Variants in OCA2 observed in about 807,000 individuals in gnomAD.
OCA2 encodes OCA2 melanosomal transmembrane protein.
A neutral mutation model predicts 100.2 loss-of-function variants in OCA2; 77 were observed. The ratio of observed to expected loss-of-function variants is 0.77; its 90% CI spans 0.64 to 0.93. The LOEUF is 0.93. Ranked by LOEUF, OCA2 falls within the 40% of genes least tolerant of loss-of-function variation. The pLI is 0.00. For missense variants in OCA2, 1,062 were observed against 1,089.1 expected, an observed-to-expected ratio of 0.98 and a Z score of 0.35; for synonymous variants, 432 against 439.2, an observed-to-expected ratio of 0.98 and a Z score of 0.21.
intron 18 of OCA2, among the ~76,000 whole-genome samples, chr15:27,943,246 C>T (rs979448250): frequency 2.0e-5 from 3 of 152,186 alleles, no homozygotes; most frequent in Non-Finnish European, 2.9e-5. Flanking sequence ...CTGTACCCCA[C>T]TCCCTTTGGA....
intron 18 of OCA2, among the ~76,000 whole-genome samples, chr15:27,945,033 A>G (rs570627696): frequency 2.6e-5 from 4 of 152,326 alleles, no homozygotes; most frequent in African/African-American, 9.6e-5. Context: ...ACTAGCCCCA[A>G]TCAACCCCTA....
At chr15:27,862,835 G>C (rs1035622428) in intron 21 of OCA2, among the ~76,000 whole-genome samples, 20 of 152,116 alleles carry the variant, frequency 1.3e-4, no homozygotes, top group Non-Finnish European at 2.5e-4. Flanking sequence ...TAGTCCCCAA[G>C]GACATAGTCT....
At chr15:28,063,850 T>C (rs2043947870) in intron 2 of OCA2, among the ~76,000 whole-genome samples, 1 of 152,190 alleles carries the variant, frequency 6.6e-6, no homozygotes, top group African/African-American at 2.4e-5. Context: ...ACATTTATGC[T>C]GTGTTTTATG....
chr15:28,070,001 G>A (rs1198178149), intron 2 of OCA2, among the ~76,000 whole-genome samples: 5 of 113,348 alleles, frequency 4.4e-5, no homozygotes, highest in Admixed American at 8.0e-5. Context: ...AGTGAGGAGC[G>A]TCTCTGCCCG....
At chr15:27,808,691 C>T (rs528371376) in intron 23 of OCA2, among the ~76,000 whole-genome samples, 22 of 152,230 alleles carry the variant, frequency 1.4e-4, no homozygotes, top group African/African-American at 3.6e-4. Flanking sequence ...GGGAGCACTG[C>T]GCACTTGACA....
chr15:27,820,270 G>A (rs751320932), intron 23 of OCA2, among the ~76,000 whole-genome samples: 3 of 152,162 alleles, frequency 2.0e-5, no homozygotes, highest in Non-Finnish European at 4.4e-5. Flanking sequence ...TTGCTTGCTC[G>A]TGGCAACTTC....
intron 23 of OCA2, among the ~76,000 whole-genome samples, chr15:27,823,498 A>T (rs1425744717): frequency 1.3e-5 from 2 of 152,218 alleles, no homozygotes; most frequent in Non-Finnish European, 2.9e-5. Flanking sequence ...CTTAGATAAA[A>T]TTTGATTTAA....
At chr15:28,048,361 C>T (rs1053923342) in intron 2 of OCA2, among the ~76,000 whole-genome samples, 10 of 152,124 alleles carry the variant, frequency 6.6e-5, no homozygotes, top group African/African-American at 2.4e-4. Context: ...CAATGGAATA[C>T]AAATGAAAGT....
the OCA2 span, among the ~76,000 whole-genome samples, chr15:27,733,497 C>T: frequency 6.6e-6 from 1 of 152,140 alleles, no homozygotes; most frequent in Non-Finnish European, 1.5e-5. Flanking sequence ...TCATGTTGCC[C>T]ACCCTTCCTA....
chr15:27,938,951 G>A (rs759985061), intron 18 of OCA2, among the ~76,000 whole-genome samples: 7 of 152,250 alleles, frequency 4.6e-5, no homozygotes, highest in Non-Finnish European at 7.4e-5. Context: ...GACCTGTGAC[G>A]GCTATGCTAG....
chr15:27,871,101 C>T (rs926266158), intron 21 of OCA2, 53 bp downstream of exon 21: 6 of 1,333,544 alleles, frequency 4.5e-6, no homozygotes, highest in Middle Eastern at 1.8e-4. Context: ...GGGTGAGCCC[C>T]AGGCTATGTC....
intron 2 of OCA2, among the ~76,000 whole-genome samples, chr15:28,037,651 C>T (rs542506534): frequency 6.6e-6 from 1 of 152,346 alleles, no homozygotes; most frequent in South Asian, 2.1e-4. Context: ...CTATGTTAGG[C>T]TCTTGCTGAA....
At chr15:27,735,033 C>T in the OCA2 span, among the ~76,000 whole-genome samples, 14 of 151,882 alleles carry the variant, frequency 9.2e-5, no homozygotes, top group Non-Finnish European at 1.8e-4. Context: ...GATATATGAA[C>T]TACCTAACAA....
intron 23 of OCA2, among the ~76,000 whole-genome samples, chr15:27,826,861 G>A (rs754157322): frequency 1.6e-4 from 24 of 152,252 alleles, no homozygotes; most frequent in Admixed American, 2.6e-4. Flanking sequence ...TTAGCCTTGC[G>A]TAACAAATAC....
chr15:27,945,177 T>A (rs1380527954), intron 18 of OCA2, among the ~76,000 whole-genome samples: 1 of 152,188 alleles, frequency 6.6e-6, no homozygotes, highest in Non-Finnish European at 1.5e-5. Flanking sequence ...GGAATGTCTG[T>A]CCAGCTCATA....
the OCA2 span, among the ~76,000 whole-genome samples, chr15:27,736,940 T>C: frequency 2.0e-5 from 3 of 152,164 alleles, no homozygotes. Flanking sequence ...CTGTGGAAAA[T>C]ACAAGAGTTC....
At chr15:27,955,904 T>C (rs1177857285) in intron 16 of OCA2, among the ~76,000 whole-genome samples, 1 of 152,060 alleles carries the variant, frequency 6.6e-6, no homozygotes, top group Non-Finnish European at 1.5e-5. Flanking sequence ...GCTGACTTCC[T>C]CCCAAACCAA....
At chr15:27,818,426 T>C (rs2034387381) in intron 23 of OCA2, among the ~76,000 whole-genome samples, 2 of 152,106 alleles carry the variant, frequency 1.3e-5, no homozygotes, top group African/African-American at 4.8e-5. Flanking sequence ...TTAAATATCA[T>C]CTCTATCCTC....
At chr15:27,862,617 G>C (rs1314662462) in intron 21 of OCA2, among the ~76,000 whole-genome samples, 1 of 152,112 alleles carries the variant, frequency 6.6e-6, no homozygotes, top group South Asian at 2.1e-4. Context: ...TGGGATTACA[G>C]GTGTGTGCCA....
Sources: gnomAD v4.1 joint callset for allele counts (sites outside exome capture counted in the v4.1 genomes callset) on GRCh38, gnomAD v4.1.1 for gene constraint, MANE v1.5 for transcripts, NCBI Gene and HGNC (gene_info 2026-07-23, HGNC 2026-07-21) for gene names.